FAP: variants seen among roughly 807,000 people sequenced by gnomAD.
The protein encoded by FAP is prolyl endopeptidase FAP.
FAP carries 110 observed loss-of-function variants against 126.5 expected under a neutral mutation model. The observed-to-expected ratio is 0.87, with a 90% CI of 0.74 to 1.02. The LOEUF (loss-of-function observed/expected upper bound fraction) is 1.02. Among genes scored for constraint, FAP ranks in the 50% least tolerant of loss-of-function variants. The pLI is 0.00. For missense variants in FAP, 919 were observed against 909.2 expected, an observed-to-expected ratio of 1.01 and a Z score of -0.14; for synonymous variants, 334 against 297.3, an observed-to-expected ratio of 1.12 and a Z score of -1.27.
At chr2:162,209,278 G>C (rs1356204542) in intron 12 of FAP, among the ~76,000 whole-genome samples, 1 of 152,038 alleles carries the variant, frequency 6.6e-6, no homozygotes, top group Admixed American at 6.5e-5. Context: ...GTAAGTGGCA[G>C]CATCTACCAA....
chr2:162,225,631 A>G, intron 3 of FAP, 54 bp from the exon 4 acceptor site: 1 of 1,497,252 alleles, frequency 6.7e-7, no homozygotes. Flanking sequence ...CATGAAATAC[A>G]TTCCTAACAA....
chr2:162,189,174 T>C lies in FAP; in HGVS notation c.1550-2A>G. 1 of 1,584,456 alleles carries C rather than the reference T, an allele frequency of 6.3e-7. No individual in the cohort carries two copies. The highest frequency in any genetic ancestry group is 1.2e-5 in the South Asian group (1 of 86,108). On this transcript the variant is annotated splice_acceptor_variant, in intron 18 of 25. Coordinates refer to ENST00000188790, the MANE Select transcript of FAP (RefSeq NM_004460.5). LOFTEE classifies it high-confidence loss of function. Reference sequence around the variant, plus strand: ...GAAGAATCATCTTGTACCATAAAGCTTTGAGGAAAAAAAAAGGAGAAAAAT... The same window carrying C: ...GAAGAATCATCTTGTACCATAAAGCCTTGAGGAAAAAAAAAGGAGAAAAAT...
intron 3 of FAP, 25 bp downstream of exon 3, chr2:162,226,498 C>T: frequency 8.0e-7 from 1 of 1,246,112 alleles, no homozygotes; most frequent in Non-Finnish European, 1.1e-6. Flanking sequence ...TAAAAAAAAC[C>T]CCTAAAGATA....
chr2:162,227,917 C>G (rs939976273), intron 2 of FAP, among the ~76,000 whole-genome samples: 2 of 152,134 alleles, frequency 1.3e-5, no homozygotes, highest in Non-Finnish European at 2.9e-5. Flanking sequence ...TGGTTTAGAT[C>G]AGGTTTCCTT....
chr2:162,176,660 C>A (rs912141776), intron 21 of FAP: 1 of 151,998 alleles, frequency 6.6e-6, no homozygotes, highest in Non-Finnish European at 1.5e-5. Context: ...AGCCAGAGAC[C>A]TTTAGAAAAA....
chr2:162,206,425 T>A (rs566973001), intron 12 of FAP, among the ~76,000 whole-genome samples: 6 of 152,364 alleles, frequency 3.9e-5, no homozygotes, highest in South Asian at 2.1e-4. Flanking sequence ...CCATGTAATA[T>A]CTTGCCATAG....
intron 17 of FAP, among the ~76,000 whole-genome samples, chr2:162,192,009 C>T (rs1158369982): frequency 6.6e-6 from 1 of 152,114 alleles, no homozygotes; most frequent in Non-Finnish European, 1.5e-5. Flanking sequence ...CTCTCAACTT[C>T]TTAGGGACCT....
chr2:162,180,379 G>A (rs1687655963), intron 21 of FAP, among the ~76,000 whole-genome samples: 1 of 152,170 alleles, frequency 6.6e-6, no homozygotes, highest in South Asian at 2.1e-4. Context: ...TGCGAAACCT[G>A]TGGTCCATGG....
At chr2:162,209,930 G>C in intron 12 of FAP, 22 bp downstream of exon 12, 1 of 1,608,690 alleles carries the variant, frequency 6.2e-7, no homozygotes, top group Non-Finnish European at 8.5e-7. Flanking sequence ...TAAAACATAA[G>C]AAAAAGATAG....
intron 12 of FAP, among the ~76,000 whole-genome samples, chr2:162,207,298 C>A (rs992972188): frequency 6.6e-6 from 1 of 152,170 alleles, no homozygotes; most frequent in African/African-American, 2.4e-5. Flanking sequence ...AGAGTGTAAA[C>A]TGACTCTTGA....
At position 162,194,981 on chromosome 2, in the gene FAP, T is replaced by C; in HGVS notation, c.1403-233A>G. The C allele has an allele frequency of 1.1e-5, 6 of 541,886 alleles. No individual in the cohort carries two copies. The East Asian group carries it at 1.5e-4, about 14-fold the overall frequency. The allele number at this position is 541,886 out of a possible 1,614,324, so 33.6% of individuals were successfully genotyped here. A position where few individuals can be genotyped will look rare whatever the true frequency, so the allele number is the denominator to read the frequency against. On this transcript the variant is annotated intron_variant, in intron 16 of 25. Transcript: ENST00000188790. The stretch of plus-strand genomic sequence containing the variant: ...TGTGAAAGAAGCCTTGCCTGTGCAC[T>C]TTTCCAAGACTAATCCTGAATCATT...
chr2:162,226,688 T>G (rs1334569624), intron 2 of FAP, 67 bp from the exon 3 acceptor site: 1 of 864,784 alleles, frequency 1.2e-6, no homozygotes, highest in Non-Finnish European at 1.9e-6. Flanking sequence ...ATTCTAAGCC[T>G]GGCCTTCATC....
chr2:162,178,389 T>C (rs533805683), intron 21 of FAP, among the ~76,000 whole-genome samples: 1 of 152,294 alleles, frequency 6.6e-6, no homozygotes, highest in Non-Finnish European at 1.5e-5. Context: ...GGATGGATAA[T>C]TCTTTGTTAT....
At chr2:162,224,175 A>G (rs1689532362) in intron 5 of FAP, among the ~76,000 whole-genome samples, 1 of 152,156 alleles carries the variant, frequency 6.6e-6, no homozygotes, top group Non-Finnish European at 1.5e-5. Flanking sequence ...ATAAATAAGA[A>G]TATTTAGCTT....
chr2:162,182,305 T>C (rs1462709102), intron 21 of FAP, among the ~76,000 whole-genome samples: 1 of 152,222 alleles, frequency 6.6e-6, no homozygotes, highest in Non-Finnish European at 1.5e-5. Context: ...ATGTACATGT[T>C]CAACTTAAAA....
intron 21 of FAP, 178 bp from the exon 22 acceptor site, chr2:162,175,144 A>G (rs1264070689): frequency 1.5e-5 from 8 of 521,884 alleles, no homozygotes; most frequent in East Asian, 3.3e-5. Context: ...ACCAGACATA[A>G]TGGTAATTTC....
At chr2:162,179,582 A>G (rs1205312055) in intron 21 of FAP, among the ~76,000 whole-genome samples, 3 of 152,116 alleles carry the variant, frequency 2.0e-5, no homozygotes, top group East Asian at 3.9e-4. Context: ...GGTAATTCCT[A>G]TAAGAGAAAT....
intron 12 of FAP, among the ~76,000 whole-genome samples, chr2:162,206,521 AT>A (rs5835902): frequency 3.3e-5 from 5 of 151,216 alleles, no homozygotes; most frequent in African/African-American, 9.7e-5. Flanking sequence ...AAGAAAATTC[AT>A]TTTTTTTTGA....
chr2:162,203,107 A>G lies in FAP; in HGVS notation c.1086T>C (p.Ile362=), dbSNP rs1688561391. 1 of 1,613,522 alleles carries G rather than the reference A, an allele frequency of 6.2e-7. No individual in the cohort carries two copies. ...VSTPVFSYDA[I]SYYKIFSDKD... is the part of the protein sequence containing the mutation. Reference sequence around the variant, plus strand: ...TGTCACTAAATATTTTGTAGTACGAAATGGCATCATAGCTGAAAACTGGTG... The same window carrying G: ...TGTCACTAAATATTTTGTAGTACGAGATGGCATCATAGCTGAAAACTGGTG... The change falls in exon 13 of 26, where the codon ATT becomes ATC. Residue 362 remains isoleucine (I), a synonymous_variant. Transcript: ENST00000188790.
Sources: gnomAD v4.1 joint callset for allele counts (sites outside exome capture counted in the v4.1 genomes callset) on GRCh38, gnomAD v4.1.1 for gene constraint, MANE v1.5 for transcripts, NCBI Gene and HGNC (gene_info 2026-07-23, HGNC 2026-07-21) for gene names.